DNAH7: variants seen among roughly 807,000 people sequenced by gnomAD.
DNAH7 encodes the protein axonemal beta dynein heavy chain 7.
A neutral mutation model predicts 444.6 loss-of-function variants in DNAH7; 397 were observed. The observed-to-expected ratio is 0.89, with a 90% confidence interval of 0.82 to 0.97. The LOEUF is 0.97. Ranked by LOEUF, DNAH7 falls within the 50% of genes least tolerant of loss-of-function variation. DNAH7 has a pLI of 0.00. For synonymous variants in DNAH7, 1,636 were observed against 1,624.4 expected (o/e 1.01, Z -0.17); for missense variants, 4,902 against 4,800.8 (o/e 1.02, Z -0.62).
chr2:195,748,762 C>A (rs897640495), intron 63 of DNAH7, among the ~76,000 whole-genome samples: 5 of 152,136 alleles, frequency 3.3e-5, no homozygotes, highest in African/African-American at 1.2e-4. Context: ...ATAAATGGTG[C>A]TGGGAAAACT....
intron 30 of DNAH7, 59 bp downstream of exon 30, chr2:195,894,917 A>G: frequency 7.1e-7 from 1 of 1,409,230 alleles, no homozygotes. Context: ...AAATAATGGT[A>G]CATTCTACCT....
At chr2:196,033,728 T>C (rs1401806558) in intron 5 of DNAH7, among the ~76,000 whole-genome samples, 1 of 152,196 alleles carries the variant, frequency 6.6e-6, no homozygotes, top group Non-Finnish European at 1.5e-5. Flanking sequence ...ACTCAGCTAT[T>C]ATAAACAGTG....
chr2:195,889,931 G>A (rs1182687475), intron 31 of DNAH7, among the ~76,000 whole-genome samples: 1 of 152,136 alleles, frequency 6.6e-6, no homozygotes, highest in Admixed American at 6.5e-5. Flanking sequence ...TTTATACATT[G>A]TCCAGAATAT....
At chr2:196,056,331 G>A (rs1697802894) in intron 2 of DNAH7, among the ~76,000 whole-genome samples, 2 of 150,988 alleles carry the variant, frequency 1.3e-5, no homozygotes, top group Non-Finnish European at 2.9e-5. Context: ...TGTAATCCCA[G>A]CTACTCAGGA....
At chr2:195,911,723 C>T (rs1687370253) in intron 24 of DNAH7, among the ~76,000 whole-genome samples, 1 of 152,186 alleles carries the variant, frequency 6.6e-6, no homozygotes, top group Non-Finnish European at 1.5e-5. Context: ...TGTTCATCTA[C>T]ACTTCTATAC....
At chr2:195,857,750 A>T (rs1699793887) in intron 43 of DNAH7, 27 bp from the exon 44 acceptor site, 4 of 1,531,264 alleles carry the variant, frequency 2.6e-6, no homozygotes, top group Non-Finnish European at 3.5e-6. Context: ...TAATTATTTT[A>T]AAAGACATGT....
chr2:195,995,582 G>A (rs1012621050), intron 12 of DNAH7: 25 of 302,874 alleles, frequency 8.3e-5, no homozygotes, highest in African/African-American at 5.3e-4. Context: ...GCTCAGCAGG[G>A]GAAGATGGGA....
intron 47 of DNAH7, among the ~76,000 whole-genome samples, chr2:195,843,111 A>G (rs937606604): frequency 6.6e-6 from 1 of 152,198 alleles, no homozygotes; most frequent in African/African-American, 2.4e-5. Context: ...GACAAAAGTG[A>G]AAGTAAAAGT....
Position 195,864,091 on chromosome 2 carries a change from T to C in DNAH7, c.7506+58A>G, listed in dbSNP as rs1700176145. 2.6e-6 allele frequency: 4 copies of C among 1,551,970 alleles called. No homozygotes were observed. In the East Asian group the frequency reaches 6.8e-5, roughly 26 times the overall value. ...GGTTGGGAATCTATAAAATAAGTCATGATGATAGTGGAAATTCAACATTTC... is the reference window on the plus strand; with the variant it reads ...GGTTGGGAATCTATAAAATAAGTCACGATGATAGTGGAAATTCAACATTTC... On this transcript the variant is annotated intron_variant, in intron 41 of 64. Coordinates refer to ENST00000312428, the MANE Select transcript of DNAH7 (RefSeq NM_018897.3).
At chr2:196,057,682 A>G (rs1373653987) in intron 2 of DNAH7, among the ~76,000 whole-genome samples, 1 of 152,198 alleles carries the variant, frequency 6.6e-6, no homozygotes, top group Non-Finnish European at 1.5e-5. Context: ...GTTCATGCTG[A>G]GCTCTTAAAA....
chr2:196,016,058 A>G (rs1449222768), intron 9 of DNAH7, among the ~76,000 whole-genome samples: 1 of 152,154 alleles, frequency 6.6e-6, no homozygotes, highest in Non-Finnish European at 1.5e-5. Flanking sequence ...TTTTGGACAC[A>G]TACACTTTCT....
At chr2:196,004,443 CATT>C (rs1694235644) in intron 10 of DNAH7, among the ~76,000 whole-genome samples, 2 of 152,126 alleles carry the variant, frequency 1.3e-5, no homozygotes, top group South Asian at 2.1e-4. Flanking sequence ...CATACAAAAT[CATT>C]AATCAATAAC....
intron 64 of DNAH7, among the ~76,000 whole-genome samples, chr2:195,738,408 A>G (rs1412659564): frequency 7.6e-6 from 1 of 131,904 alleles, no homozygotes; most frequent in African/African-American, 2.8e-5. Context: ...AGTGCTTACA[A>G]TGATAAAAAA....
chr2:195,811,418 A>C (rs949566586), intron 51 of DNAH7, among the ~76,000 whole-genome samples: 3 of 152,192 alleles, frequency 2.0e-5, no homozygotes, highest in Admixed American at 6.5e-5. Flanking sequence ...TGGTATGATC[A>C]TAACTCACTG....
chr2:195,878,417 G>C (rs945825245), intron 36 of DNAH7, among the ~76,000 whole-genome samples: 1 of 151,772 alleles, frequency 6.6e-6, no homozygotes. Context: ...GATCAGCCTC[G>C]GCCACATAGC....
chr2:195,902,551 C>T (rs565905251), intron 27 of DNAH7: 5 of 152,196 alleles, frequency 3.3e-5, no homozygotes, highest in Admixed American at 3.3e-4. Flanking sequence ...AGCACAAATT[C>T]CTACTAGTTT....
chr2:195,984,802 T>C (rs1692799558), intron 14 of DNAH7, 92 bp from the exon 15 acceptor site: 1 of 1,194,936 alleles, frequency 8.4e-7, no homozygotes, highest in Non-Finnish European at 1.2e-6. Context: ...TTCCATTGCA[T>C]GAAAAATAAA....
chr2:195,920,351 T>C (rs981863476), intron 24 of DNAH7, among the ~76,000 whole-genome samples: 4 of 152,122 alleles, frequency 2.6e-5, no homozygotes, highest in Admixed American at 2.0e-4. Flanking sequence ...ATGGTACTAG[T>C]ATAAAAATAG....
intron 13 of DNAH7, among the ~76,000 whole-genome samples, chr2:195,987,497 G>A (rs1021128085): frequency 2.0e-5 from 3 of 151,906 alleles, no homozygotes; most frequent in Non-Finnish European, 2.9e-5. Context: ...GGTTTCAAAC[G>A]TTATAGTTGC....
Sources: gnomAD v4.1 joint callset for allele counts (sites outside exome capture counted in the v4.1 genomes callset) on GRCh38, gnomAD v4.1.1 for gene constraint, MANE v1.5 for transcripts, NCBI Gene and HGNC (gene_info 2026-07-23, HGNC 2026-07-21) for gene names.